The following LIN28B variants were observed in gnomAD, a reference collection of about 807,000 sequenced individuals.
LIN28B encodes the protein protein lin-28 homolog B.
Under a neutral mutation model 21.9 loss-of-function variants are expected in LIN28B, and 5 were observed. That is an observed-to-expected ratio of 0.23 (90% CI 0.12 to 0.48). The LOEUF is 0.48. Among genes scored for constraint, LIN28B ranks in the 20% least tolerant of loss-of-function variants. LIN28B has a pLI of 0.98. For synonymous variants in LIN28B, 109 were observed against 111.3 expected, an observed-to-expected ratio of 0.98 and a Z score of 0.13; for missense variants, 245 against 310.5, an observed-to-expected ratio of 0.79 and a Z score of 1.58.
rs540714170 is a variant in LIN28B at position 105,047,572 on chromosome 6, G to C, written c.383+21090G>C. On this transcript the variant is annotated intron_variant, in intron 3 of 3. Coordinates refer to ENST00000345080, the MANE Select transcript of LIN28B (RefSeq NM_001004317.4). ...CTGTGAAGAAAGTCATTCGTAGCTT[G>C]ATGGGGATGGCATTGAATCTATAAA... Among the ~76,000 whole-genome samples, 8 of 152,288 alleles carry C rather than the reference G, an allele frequency of 5.3e-5. No homozygotes were observed. In the East Asian group the frequency reaches 1.2e-3, roughly 22 times the overall value.
At chr6:105,062,747 C>A (rs1772147182) in intron 3 of LIN28B, among the ~76,000 whole-genome samples, 1 of 151,774 alleles carries the variant, frequency 6.6e-6, no homozygotes. Context: ...GCATTTACAT[C>A]CTCAAAATGA....
At chr6:104,967,680 T>TATC (rs1184586447) in intron 2 of LIN28B, among the ~76,000 whole-genome samples, 24 of 150,416 alleles carry the variant, frequency 1.6e-4, no homozygotes, top group African/African-American at 5.8e-4. Context: ...AATTAATTAT[T>TATC]ATTATTATTA....
chr6:105,041,001 T>G (rs1024878598), intron 3 of LIN28B, among the ~76,000 whole-genome samples: 1 of 152,090 alleles, frequency 6.6e-6, no homozygotes, highest in African/African-American at 2.4e-5. Context: ...AGCCTCGACC[T>G]CCTGGGCTCA....
rs1024985267 is a variant in LIN28B at position 104,970,239 on chromosome 6, A to G, written c.198+11953A>G. ...TCTTCGCATTTTTGATGTTTTCAGA[A>G]GGCTAAAATGGGCCCCTATTAAGAT... On this transcript the variant is annotated intron_variant, in intron 2 of 3. Transcript: ENST00000345080. Among the ~76,000 whole-genome samples the G allele has an allele frequency of 3.3e-5, 5 of 152,310 alleles. No homozygotes were observed. In the Middle Eastern group the frequency reaches 0.01, roughly 311 times the overall value.
chr6:105,050,186 G>A (rs950761446), intron 3 of LIN28B, among the ~76,000 whole-genome samples: 3 of 152,140 alleles, frequency 2.0e-5, no homozygotes, highest in Admixed American at 6.5e-5. Context: ...AGCTCTTTCA[G>A]GGCAGGCCTG....
chr6:105,054,490 G>A lies in LIN28B; in HGVS notation c.384-23924G>A, dbSNP rs371001018. On this transcript the variant is annotated intron_variant, in intron 3 of 3. Transcript: ENST00000345080. ...TTCCTGTACACATCTCTCATTTCTA[G>A]TTTTATTTATTACTTTCTGTAGATC... Among the ~76,000 whole-genome samples the A allele has an allele frequency of 4.6e-5, 7 of 152,198 alleles. No individual in the cohort carries two copies. In the East Asian group the frequency reaches 9.6e-4, roughly 21 times the overall value.
At chr6:104,957,405 T>C in intron 1 of LIN28B, 145 bp downstream of exon 1, 1 of 569,950 alleles carries the variant, frequency 1.8e-6, no homozygotes, top group South Asian at 2.1e-5. Context: ...CATCACGCAG[T>C]GGGGCTTTCT....
intron 2 of LIN28B, among the ~76,000 whole-genome samples, chr6:104,989,861 G>A (rs1770427291): frequency 6.6e-6 from 1 of 151,952 alleles, no homozygotes; most frequent in Non-Finnish European, 1.5e-5. Context: ...CAAAGTGCTA[G>A]GATTACTACA....
chr6:105,038,400 G>A (rs918014762), intron 3 of LIN28B, among the ~76,000 whole-genome samples: 2 of 152,170 alleles, frequency 1.3e-5, no homozygotes, highest in African/African-American at 4.8e-5. Flanking sequence ...TGCTGCCTCC[G>A]AGTGGACCAG....
intron 2 of LIN28B, among the ~76,000 whole-genome samples, chr6:104,961,965 C>G (rs1344383456): frequency 1.3e-5 from 2 of 152,062 alleles, no homozygotes; most frequent in East Asian, 3.9e-4. Flanking sequence ...GCAACGTTAA[C>G]CTAATAACTA....
chr6:104,961,954 G>A (rs975328505), intron 2 of LIN28B, among the ~76,000 whole-genome samples: 3 of 152,052 alleles, frequency 2.0e-5, no homozygotes, highest in Admixed American at 1.3e-4. Context: ...TTTGGAGAAG[G>A]GCAACGTTAA....
chr6:105,028,250 A>G (rs974938478), intron 3 of LIN28B, among the ~76,000 whole-genome samples: 2 of 152,132 alleles, frequency 1.3e-5, no homozygotes, highest in Admixed American at 6.6e-5. Flanking sequence ...ATTTTTTCAT[A>G]TTGGATCTTG....
intron 3 of LIN28B, among the ~76,000 whole-genome samples, chr6:105,043,795 G>A (rs1290535117): frequency 1.3e-5 from 2 of 151,914 alleles, no homozygotes; most frequent in East Asian, 1.9e-4. Context: ...TAGGCTAGTC[G>A]GGTTTCACAA....
At chr6:105,063,540 G>A (rs1471035769) in intron 3 of LIN28B, among the ~76,000 whole-genome samples, 1 of 150,980 alleles carries the variant, frequency 6.6e-6, no homozygotes, top group Non-Finnish European at 1.5e-5. Flanking sequence ...AGAGGCTGAG[G>A]CACAAGAATT....
intron 2 of LIN28B, among the ~76,000 whole-genome samples, chr6:104,958,534 C>T (rs1769634453): frequency 1.3e-5 from 2 of 152,070 alleles, no homozygotes; most frequent in Admixed American, 6.5e-5. Context: ...TTAGCATTTC[C>T]CCCTGCTTCA....
chr6:105,046,615 T>G (rs1771769948), intron 3 of LIN28B, among the ~76,000 whole-genome samples: 2 of 152,168 alleles, frequency 1.3e-5, no homozygotes, highest in Non-Finnish European at 2.9e-5. Context: ...ATGGTTGAAC[T>G]AGTTTACAGT....
intron 2 of LIN28B, among the ~76,000 whole-genome samples, chr6:104,977,528 T>C (rs1770124841): frequency 6.6e-6 from 1 of 152,228 alleles, no homozygotes; most frequent in South Asian, 2.1e-4. Context: ...TTTTATTAAG[T>C]TTGGTATTCT....
intron 2 of LIN28B, 67 bp downstream of exon 2, chr6:104,958,353 C>A: frequency 1.6e-6 from 2 of 1,228,516 alleles, no homozygotes; most frequent in Non-Finnish European, 2.3e-6. Context: ...GGTAGTTATG[C>A]CAATAGACGT....
intron 1 of LIN28B, among the ~76,000 whole-genome samples, chr6:104,957,808 A>G (rs1041560180): frequency 6.6e-6 from 1 of 152,072 alleles, no homozygotes; most frequent in Non-Finnish European, 1.5e-5. Flanking sequence ...GCATGCTGTA[A>G]TGTAAAATGT....
Sources: allele counts gnomAD v4.1 joint callset (sites outside exome capture counted in the v4.1 genomes callset), GRCh38; gene constraint gnomAD v4.1.1; transcripts MANE v1.5; gene names NCBI Gene and HGNC (gene_info 2026-07-23, HGNC 2026-07-21).